Variants in RPS6KA1 observed in about 807,000 individuals in gnomAD.
RPS6KA1 encodes ribosomal protein S6 kinase A1, also known as ribosomal protein S6 kinase alpha-1.
A neutral mutation model predicts 91.3 loss-of-function variants in RPS6KA1; 48 were observed. The observed-to-expected ratio is 0.53, with a 90% CI of 0.42 to 0.67. RPS6KA1 has a LOEUF of 0.67. Among genes scored for constraint, RPS6KA1 ranks in the 30% least tolerant of loss-of-function variants. The pLI is 0.00. For synonymous variants in RPS6KA1, 359 were observed against 384.7 expected, an observed-to-expected ratio of 0.93 and a Z score of 0.78; for missense variants, 719 against 960.5, an observed-to-expected ratio of 0.75 and a Z score of 3.32.
At chr1:26,537,937 T>A (rs1332440666) in intron 2 of RPS6KA1, among the ~76,000 whole-genome samples, 1 of 152,234 alleles carries the variant, frequency 6.6e-6, no homozygotes, top group East Asian at 1.9e-4. Flanking sequence ...GAAAATGTCC[T>A]AGTATATTGC....
rs1304632639 is a variant in RPS6KA1, at chr1:26,573,310, A to G, written c.2034A>G (p.Lys678=). Residue 678 remains lysine (K), a synonymous_variant, in exon 21 of 22, where the codon AAA becomes AAG. Transcript: ENST00000374168. The stretch of plus-strand genomic sequence containing the variant: ...TGCAGCATCCATGGGTCACCCAGAA[A>G]GACAAGCTTCCCCAAAGCCAGCTGT... ...QVLQHPWVTQ[K]DKLPQSQLSH... 6.2e-7 allele frequency: 1 copy of G among 1,614,206 alleles called. No individual in the cohort carries two copies. Among genetic ancestry groups the G allele is most frequent in the Non-Finnish European group, 8.5e-7 (1 of 1,180,024 alleles).
rs13374763 is a variant in RPS6KA1, at chr1:26,555,095, C to G, written c.757-56C>G. ...GCAGAGGGGTCTGACTGGGAGGAGG[C>G]GGGAGGTGTGTCGGAGACAGGGATC... On this transcript the variant is annotated intron_variant, in intron 9 of 21. Transcript: ENST00000374168. The surrounding 1 kb of genome is among the most constrained non-coding windows in gnomAD (Gnocchi z 4.3). 4 of 1,539,144 alleles carry G rather than the reference C, an allele frequency of 2.6e-6. No individual in the cohort carries two copies. In the South Asian group the frequency reaches 4.5e-5, roughly 17 times the overall value.
In RPS6KA1 at chr1:26,555,722, G is replaced by A. The variant is rs773086099; in HGVS notation, c.916+97G>A. On this transcript the variant is annotated intron_variant, in intron 11 of 21. Transcript: ENST00000374168. This position sits in a 1 kb window ranked among gnomAD's most constrained non-coding sequence, Gnocchi z 4.3. ...GGCCACATCTGGGCTGAAAGGGGCC[G>A]TTGTCCTTTGTGTGGGCAGACAATG... 4.7e-5 allele frequency: 57 copies of A among 1,204,850 alleles called. No individual in the cohort carries two copies. Among genetic ancestry groups the A allele is most frequent in the Admixed American group, 3.0e-4 (15 of 49,902 alleles). 74.6% of individuals were successfully genotyped at this position (1,204,850 alleles called of 1,614,324 possible). A position where few individuals can be genotyped will look rare whatever the true frequency, so the allele number is the denominator to read the frequency against.
Position 26,572,241 on chromosome 1 carries a change from G to A in RPS6KA1, c.1895G>A (p.Gly632Glu). 6.2e-7 allele frequency: 1 copy of A among 1,613,996 alleles called. No individual in the cohort carries two copies. Among genetic ancestry groups the A allele is most frequent in the Non-Finnish European group, 8.5e-7 (1 of 1,180,002 alleles). ...GAAATCCTAACCCGGATCGGCAGTG[G>A]GAAGTTTACCCTCAGTGGGGGAAAT... ...PEEILTRIGS[G>E]KFTLSGGNWN... The change falls in exon 20 of 22, where the codon GGG (glycine) becomes GAG (glutamate). Residue 632 changes from glycine (G) to glutamate (E), a missense_variant. Physicochemically the swap from Gly to Glu is moderately conservative, Grantham distance 98 (BLOSUM62 -2). Coordinates refer to ENST00000374168, the MANE Select transcript of RPS6KA1 (RefSeq NM_002953.4).
chr1:26,547,233 G>C lies in RPS6KA1; in HGVS notation c.270G>C (p.Leu90=), dbSNP rs150535662. Residue 90 remains leucine (L), a synonymous_variant, in exon 4 of 22, where the codon CTG becomes CTC. Coordinates refer to ENST00000374168, the MANE Select transcript of RPS6KA1 (RefSeq NM_002953.4). The surrounding 1 kb of genome is among the most constrained non-coding windows in gnomAD (Gnocchi z 4.1). ...TCACCCGGCCTGACAGTGGGCACCT[G>C]TATGCTATGAAGGTGCTGAAGAAGG... The part of the protein sequence containing the change: ...RKVTRPDSGH[L]YAMKVLKKAT... The C allele has an allele frequency of 6.2e-7, 1 of 1,614,058 alleles. No homozygotes were observed. The highest frequency in any genetic ancestry group is 2.2e-5 in the East Asian group (1 of 44,870).
chr1:26,536,881 G>T (rs558356835), intron 1 of RPS6KA1, 44 bp from the exon 2 acceptor site: 3 of 1,609,736 alleles, frequency 1.9e-6, no homozygotes, highest in Admixed American at 1.7e-5. Flanking sequence ...TCCCAAGCGT[G>T]TAAGTTCTGA....
rs1055413706 is a variant in RPS6KA1 at position 26,558,069 on chromosome 1, T to G, written c.1085-738T>G. 6.6e-6 allele frequency among the ~76,000 whole-genome samples: 1 copy of G among 151,900 alleles called. No homozygotes were observed. The highest frequency in any genetic ancestry group is 2.4e-5 in the African/African-American group (1 of 41,348). On this transcript the variant is annotated intron_variant, in intron 13 of 21. Coordinates refer to ENST00000374168, the MANE Select transcript of RPS6KA1 (RefSeq NM_002953.4). This position sits in a 1 kb window ranked among gnomAD's most constrained non-coding sequence, Gnocchi z 4.0. Reference sequence around the variant, plus strand: ...GTCTCGAACTCCTGACCTCAGGTGATCCACAAGGGGGTGCTTTTCTCACTG... The same window carrying G: ...GTCTCGAACTCCTGACCTCAGGTGAGCCACAAGGGGGTGCTTTTCTCACTG...
chr1:26,573,945 A>C, intron 21 of RPS6KA1, 134 bp from the exon 22 acceptor site: 1 of 1,076,764 alleles, frequency 9.3e-7, no homozygotes, highest in Admixed American at 2.5e-5. Context: ...CTCAAAAAAA[A>C]AAAAACAACA....
Position 26,554,583 on chromosome 1 carries a change from C to T in RPS6KA1, c.614-13C>T. ...GGGTCCTAAGGTGTGTCCTCCTGCCCTCCTTGCTGTAGACTTTGGCCTGAG... is the reference window on the plus strand; with the variant it reads ...GGGTCCTAAGGTGTGTCCTCCTGCCTTCCTTGCTGTAGACTTTGGCCTGAG... On this transcript the variant is annotated splice_polypyrimidine_tract_variant and intron_variant, in intron 8 of 21. Transcript: ENST00000374168. The surrounding 1 kb of genome is among the most constrained non-coding windows in gnomAD (Gnocchi z 4.6). The T allele has an allele frequency of 6.2e-7, 1 of 1,607,500 alleles. No homozygotes were observed. The highest frequency in any genetic ancestry group is 1.1e-5 in the South Asian group (1 of 90,634).
Position 26,546,964 on chromosome 1 carries a change from G to A in RPS6KA1, c.206G>A (p.Gly69Asp). The change falls in exon 3 of 22, where the codon GGC (glycine) becomes GAC (aspartate). Residue 69 changes from glycine to aspartate, a missense_variant. Coordinates refer to ENST00000374168, the MANE Select transcript of RPS6KA1 (RefSeq NM_002953.4). The part of the protein sequence containing the change: ...PSHFELLKVL[G>D]QGSFGKVFLV... Reference sequence around the variant, plus strand: ...CATTTCGAGCTCCTCAAGGTTCTGGGCCAGGGATCCTTTGGCAAAGTGAGT... The same window carrying A: ...CATTTCGAGCTCCTCAAGGTTCTGGACCAGGGATCCTTTGGCAAAGTGAGT... 6.2e-7 allele frequency: 1 copy of A among 1,614,076 alleles called. No homozygotes were observed. The highest frequency in any genetic ancestry group is 8.5e-7 in the Non-Finnish European group (1 of 1,179,972).
rs934299765 is a variant in RPS6KA1, at chr1:26,574,524, G to A, written c.*323G>A. 4 of 493,588 alleles carry A rather than the reference G, an allele frequency of 8.1e-6. No homozygotes were observed. The East Asian group carries it at 2.4e-4, about 29-fold the overall frequency. The allele number at this position is 493,588 out of a possible 1,614,324, so 30.6% of individuals were successfully genotyped here. A position where few individuals can be genotyped will look rare whatever the true frequency, so the allele number is the denominator to read the frequency against. On this transcript the variant is annotated 3_prime_UTR_variant, in exon 22 of 22. Transcript: ENST00000374168. The surrounding 1 kb of genome is among the most constrained non-coding windows in gnomAD (Gnocchi z 4.3). ...GCAGAAACAGCCATTGCGGCCCCAG[G>A]AGGGGAACTGAGTCACGCTGGGGCT...
Position 26,571,693 on chromosome 1 carries a change from G to A in RPS6KA1, c.1752+83G>A, listed in dbSNP as rs745498872. The A allele has an allele frequency of 1.8e-5, 27 of 1,534,090 alleles. No homozygotes were observed. Among genetic ancestry groups the A allele is most frequent in the Middle Eastern group, 3.4e-4 (2 of 5,872 alleles). ...CCCTCCCAGAGGCCCCACATTAGCC[G>A]GGACTCCAGTCTCTGTGACCTTGGC... On this transcript the variant is annotated intron_variant, in intron 18 of 21. Transcript: ENST00000374168. This position sits in a 1 kb window ranked among gnomAD's most constrained non-coding sequence, Gnocchi z 5.1.
chr1:26,541,199 G>C (rs2124619818), intron 2 of RPS6KA1, among the ~76,000 whole-genome samples: 1 of 151,286 alleles, frequency 6.6e-6, no homozygotes, highest in East Asian at 2.0e-4. Flanking sequence ...AGAGGCTGCA[G>C]TGAACCATGA....
chr1:26,564,845 C>A (rs548228960), intron 17 of RPS6KA1, among the ~76,000 whole-genome samples: 2 of 152,288 alleles, frequency 1.3e-5, no homozygotes, highest in South Asian at 4.1e-4. Flanking sequence ...AATATTTAAA[C>A]ATGTCAGGTC....
chr1:26,571,845 C>G lies in RPS6KA1; in HGVS notation c.1753-4C>G. 6.2e-7 allele frequency: 1 copy of G among 1,608,396 alleles called. No individual in the cohort carries two copies. The highest frequency in any genetic ancestry group is 8.5e-7 in the Non-Finnish European group (1 of 1,179,684). On this transcript the variant is annotated splice_region_variant and splice_polypyrimidine_tract_variant and intron_variant, in intron 18 of 21. Transcript: ENST00000374168. This position sits in a 1 kb window ranked among gnomAD's most constrained non-coding sequence, Gnocchi z 5.1. ...ACTGACCACCTCCCCTGCCCTGTTG[C>G]CAGGTGCTGAAGCGCCAGGGCTACG...
At chr1:26,569,810 A>G (rs1299927109) in intron 17 of RPS6KA1, among the ~76,000 whole-genome samples, 1 of 152,208 alleles carries the variant, frequency 6.6e-6, no homozygotes, top group Non-Finnish European at 1.5e-5. Flanking sequence ...ACATAGGGTT[A>G]TGATCGTTAC....
rs1197852280 is a variant in RPS6KA1, at chr1:26,552,386, CAAAAAAAAAAA to C, written c.468+676_468+686del. Among the ~76,000 whole-genome samples the C allele has an allele frequency of 7.3e-5, 4 of 54,910 alleles. 1 individual carries two copies. Among genetic ancestry groups the C allele is most frequent in the African/African-American group, 3.2e-4 (4 of 12,522 alleles). 36.0% of individuals were successfully genotyped at this position (54,910 alleles called of 152,430 possible). ...TTGGCAACAGAGCGAGACTCTGTCT[CAAAAAAAAAAA>C]AAAAAAAAAAAAGGATTTGAGCTAG... is the stretch of plus-strand genomic sequence containing the variant. On this transcript the variant is annotated intron_variant, in intron 6 of 21. Transcript: ENST00000374168.
Position 26,551,787 on chromosome 1 carries a change from C to T in RPS6KA1, c.468+64C>T, listed in dbSNP as rs2076052945. The stretch of plus-strand genomic sequence containing the variant: ...GCTGAGGGACGACAAGTCCTCCCAT[C>T]CCAGGGCCCTGTACAGAATGTGTTT... On this transcript the variant is annotated intron_variant, in intron 6 of 21. Coordinates refer to ENST00000374168, the MANE Select transcript of RPS6KA1 (RefSeq NM_002953.4). The surrounding 1 kb of genome is among the most constrained non-coding windows in gnomAD (Gnocchi z 4.5). 1 of 1,373,928 alleles carries T rather than the reference C, an allele frequency of 7.3e-7. No homozygotes were observed. Among genetic ancestry groups the T allele is most frequent in the Admixed American group, 1.7e-5 (1 of 58,958 alleles). 85.1% of individuals were successfully genotyped at this position (1,373,928 alleles called of 1,614,324 possible).
intron 17 of RPS6KA1, among the ~76,000 whole-genome samples, chr1:26,565,352 C>T (rs2076190084): frequency 6.6e-6 from 1 of 152,046 alleles, no homozygotes; most frequent in African/African-American, 2.4e-5. Context: ...TGAAGCATTG[C>T]ATGAACACCG....
Sources: gnomAD v4.1 joint callset for allele counts (sites outside exome capture counted in the v4.1 genomes callset) on GRCh38, gnomAD v4.1.1 for gene constraint, Gnocchi (gnomAD v3.1) non-coding constraint, MANE v1.5 for transcripts, NCBI Gene and HGNC (gene_info 2026-07-23, HGNC 2026-07-21) for gene names.